The following ERBB4 variants were observed in gnomAD, a reference collection of about 807,000 sequenced individuals.
ERBB4 encodes receptor tyrosine-protein kinase erbB-4.
A neutral mutation model predicts 158.0 loss-of-function variants in ERBB4; 42 were observed. The ratio of observed to expected loss-of-function variants is 0.27; its 90% confidence interval spans 0.21 to 0.34. The LOEUF is 0.34. Ranked by LOEUF, ERBB4 falls within the 10% of genes least tolerant of loss-of-function variation. ERBB4 has a pLI of 1.00. For synonymous variants in ERBB4, 583 were observed against 558.7 expected (o/e 1.04, Z -0.61); for missense variants, 1,333 against 1,624.1 (o/e 0.82, Z 3.08).
At chr2:212,473,244 T>G (rs1473943834) in intron 1 of ERBB4, among the ~76,000 whole-genome samples, 4 of 151,988 alleles carry the variant, frequency 2.6e-5, no homozygotes, top group Non-Finnish European at 5.9e-5. Flanking sequence ...GGCTCGGGGG[T>G]GTGAATTATT....
chr2:211,871,581 AC>A (rs1387230724), intron 3 of ERBB4, among the ~76,000 whole-genome samples: 1 of 151,992 alleles, frequency 6.6e-6, no homozygotes, highest in Non-Finnish European at 1.5e-5. Flanking sequence ...ATGGAGGCAC[AC>A]CTATGTTCAC....
chr2:211,927,262 C>T (rs955865524), intron 3 of ERBB4, among the ~76,000 whole-genome samples: 1 of 152,082 alleles, frequency 6.6e-6, no homozygotes, highest in Admixed American at 6.6e-5. Context: ...AAAACATAGT[C>T]TGCATAATTT....
chr2:211,813,039 T>C (rs2076795920), intron 3 of ERBB4, among the ~76,000 whole-genome samples: 2 of 152,158 alleles, frequency 1.3e-5, no homozygotes. Context: ...GCTCGCCCTC[T>C]GTGGGCTACA....
chr2:211,463,476 A>C (rs1482406685), intron 20 of ERBB4, among the ~76,000 whole-genome samples: 1 of 152,118 alleles, frequency 6.6e-6, no homozygotes, highest in Non-Finnish European at 1.5e-5. Context: ...AGCTTCATTA[A>C]CCTAACTGGA....
intron 1 of ERBB4, among the ~76,000 whole-genome samples, chr2:212,164,169 A>T (rs920417845): frequency 2.0e-5 from 3 of 151,918 alleles, no homozygotes; most frequent in African/African-American, 7.2e-5. Flanking sequence ...AGACACATAT[A>T]GCGCTGCACT....
chr2:212,407,921 G>A (rs1395472358), intron 1 of ERBB4, among the ~76,000 whole-genome samples: 1 of 151,852 alleles, frequency 6.6e-6, no homozygotes, highest in Non-Finnish European at 1.5e-5. Context: ...GTAAAAATTT[G>A]AAAATTTAGG....
intron 1 of ERBB4, among the ~76,000 whole-genome samples, chr2:212,144,972 A>T (rs2080615947): frequency 6.6e-6 from 1 of 152,208 alleles, no homozygotes; most frequent in Admixed American, 6.5e-5. Context: ...GATATCTCAC[A>T]TTCGTAAACC....
At chr2:212,192,047 T>TATGTTATATATGTTATAA (rs1559707798) in intron 1 of ERBB4, among the ~76,000 whole-genome samples, 3 of 87,496 alleles carry the variant, frequency 3.4e-5, no homozygotes, top group Non-Finnish European at 7.5e-5. Context: ...GTTATATATA[T>TATGTTATATATGTTATAA]GTTATATGTT....
intron 1 of ERBB4, among the ~76,000 whole-genome samples, chr2:212,344,060 G>C (rs1347416902): frequency 6.6e-6 from 1 of 152,028 alleles, no homozygotes; most frequent in African/African-American, 2.4e-5. Flanking sequence ...TGCATAATTT[G>C]CTGTTAATGG....
chr2:212,398,977 T>G (rs2091111325), intron 1 of ERBB4, among the ~76,000 whole-genome samples: 1 of 152,174 alleles, frequency 6.6e-6, no homozygotes, highest in African/African-American at 2.4e-5. Context: ...GGAGTCTCGC[T>G]CTGTTGCCCA....
At position 211,387,897 on chromosome 2, in the gene ERBB4, C is replaced by T. The variant is rs2062719716; in HGVS notation, c.3183+48G>A. 5 of 1,426,386 alleles carry T rather than the reference C, an allele frequency of 3.5e-6. No individual in the cohort carries two copies. The African/African-American group carries it at 7.0e-5, about 20-fold the overall frequency. The allele number at this position is 1,426,386 out of a possible 1,614,324, so 88.4% of individuals were successfully genotyped here. On this transcript the variant is annotated intron_variant, in intron 26 of 27. Coordinates refer to ENST00000342788, the MANE Select transcript of ERBB4 (RefSeq NM_005235.3). ...GAGACGAGAGAGGAAACATGGTAAG[C>T]AAAGACCGAAAATCCTAAAAGATGA... is the stretch of plus-strand genomic sequence containing the variant.
In ERBB4 at chr2:212,310,609, ATGTGTGTGTGTGTGTGTGTGTG is replaced by A. The variant is rs56209146; in HGVS notation, c.83-185728_83-185707del. 3.0e-4 allele frequency among the ~76,000 whole-genome samples: 43 copies of A among 143,490 alleles called. 1 individual carries two copies. Among genetic ancestry groups the A allele is most frequent in the African/African-American group, 1.0e-3 (39 of 38,832 alleles). The allele number at this position is 143,490 out of a possible 152,430, so 94.1% of individuals were successfully genotyped here. On this transcript the variant is annotated intron_variant, in intron 1 of 27. Transcript: ENST00000342788. Reference sequence around the variant, plus strand: ...TGTTTTGAGCTTCATATATATGTATATGTGTGTGTGTGTGTGTGTGTGTGTGTGTGTGTGTATATATATATAT... The same window carrying A: ...TGTTTTGAGCTTCATATATATGTATATGTGTGTGTGTGTATATATATATAT...
chr2:212,531,500 G>T (rs1404491925), intron 1 of ERBB4, among the ~76,000 whole-genome samples: 1 of 152,116 alleles, frequency 6.6e-6, no homozygotes, highest in Non-Finnish European at 1.5e-5. Flanking sequence ...AAAGACCATA[G>T]AAATTATCAT....
intron 3 of ERBB4, among the ~76,000 whole-genome samples, chr2:211,844,370 T>C (rs1231180448): frequency 1.3e-5 from 2 of 152,216 alleles, no homozygotes; most frequent in African/African-American, 4.8e-5. Context: ...CATGTAGATA[T>C]AGTGTTGTGC....
At chr2:211,630,365 C>A (rs1415155967) in intron 17 of ERBB4, 97 bp downstream of exon 17, 3 of 1,421,210 alleles carry the variant, frequency 2.1e-6, no homozygotes, top group East Asian at 2.3e-5. Flanking sequence ...GGACACTGAA[C>A]AGAATTTTAC....
At position 211,383,894 on chromosome 2, in the gene ERBB4, C is replaced by G. The variant is rs146980854; in HGVS notation, c.3648G>C (p.Leu1216Phe). 6.2e-7 allele frequency: 1 copy of G among 1,613,968 alleles called. No homozygotes were observed. The highest frequency in any genetic ancestry group is 1.1e-5 in the South Asian group (1 of 91,054). Reference sequence around the variant, plus strand: ...TGTTCTTCAGGTACTCAGCTTTTCCCAAGGTGTTGGCAAAGGTGTTGAGGT... The same window carrying G: ...TGTTCTTCAGGTACTCAGCTTTTCCGAAGGTGTTGGCAAAGGTGTTGAGGT... Reference protein sequence around the residue: ...PLYLNTFANTLGKAEYLKNNI... With the variant: ...PLYLNTFANTFGKAEYLKNNI... Residue 1216 changes from leucine (L) to phenylalanine (F), a missense_variant, in exon 28 of 28, where the codon TTG becomes TTC. Around this residue, in one of 5 missense-constraint regions of ERBB4, gnomAD observed 252 missense variants for 241.3 expected, o/e 1.04. Transcript: ENST00000342788.
At position 211,657,822 on chromosome 2, in the gene ERBB4, G is replaced by C; in HGVS notation, c.1878C>G (p.Asn626Lys). The change falls in exon 16 of 28, where the codon AAC (asparagine) becomes AAG (lysine). Residue 626 changes from asparagine (N) to lysine (K), a missense_variant. Coordinates refer to ENST00000342788, the MANE Select transcript of ERBB4 (RefSeq NM_005235.3). ...AAATGCAGTCATGACTAGTGGGACCGTTACACCTGCAGGCAATTACAGAAC... is the reference window on the plus strand; with the variant it reads ...AAATGCAGTCATGACTAGTGGGACCCTTACACCTGCAGGCAATTACAGAAC... ...PCHPNCTQGC[N>K]GPTSHDCIYY... 1 of 1,613,718 alleles carries C rather than the reference G, an allele frequency of 6.2e-7. No homozygotes were observed. Among genetic ancestry groups the C allele is most frequent in the Non-Finnish European group, 8.5e-7 (1 of 1,179,696 alleles).
chr2:212,112,581 A>G (rs1261343115), intron 2 of ERBB4, among the ~76,000 whole-genome samples: 1 of 152,142 alleles, frequency 6.6e-6, no homozygotes, highest in Non-Finnish European at 1.5e-5. Flanking sequence ...GTTTAAAGTG[A>G]AAGAACTGGT....
intron 18 of ERBB4, among the ~76,000 whole-genome samples, chr2:211,619,863 A>G (rs1019041096): frequency 1.3e-5 from 2 of 152,136 alleles, no homozygotes; most frequent in Non-Finnish European, 2.9e-5. Context: ...GCACATATTA[A>G]TTTGTCTACA....
Sources: gnomAD v4.1 joint callset for allele counts (sites outside exome capture counted in the v4.1 genomes callset) on GRCh38, gnomAD v4.1.1 for gene constraint, gnomAD v4.1.1 regional missense constraint, MANE v1.5 for transcripts, NCBI Gene and HGNC (gene_info 2026-07-23, HGNC 2026-07-21) for gene names.